Variants in MPRIP observed in about 807,000 individuals in gnomAD.
The protein encoded by MPRIP is myosin phosphatase Rho interacting protein, also known as myosin phosphatase Rho-interacting protein.
MPRIP carries 59 observed loss-of-function variants against 234.9 expected under a neutral mutation model. That is an observed-to-expected ratio of 0.25 (90% confidence interval 0.20 to 0.31). The LOEUF (loss-of-function observed/expected upper bound fraction) is 0.31, where lower values mean the gene tolerates loss of function less well. MPRIP is among the 10% of genes least tolerant of loss of function. MPRIP has a pLI of 1.00. For synonymous variants in MPRIP, 1,144 were observed against 1,263.9 expected, an observed-to-expected ratio of 0.91 and a Z score of 2.01; for missense variants, 2,436 against 3,071.0, an observed-to-expected ratio of 0.79 and a Z score of 4.89.
intron 13 of MPRIP, among the ~76,000 whole-genome samples, chr17:17,157,030 G>T (rs906944773): frequency 8.5e-5 from 13 of 152,148 alleles, no homozygotes; most frequent in Non-Finnish European, 1.5e-4. Context: ...CTGTCCTCAG[G>T]TGGGCTTGCA....
At chr17:17,092,434 G>A (rs1219033302) in intron 3 of MPRIP, among the ~76,000 whole-genome samples, 1 of 152,138 alleles carries the variant, frequency 6.6e-6, no homozygotes, top group Non-Finnish European at 1.5e-5. Context: ...CTGCGTCCTC[G>A]AGGGTCAGGT....
At chr17:17,149,208 T>C (rs2045543308) in intron 11 of MPRIP, among the ~76,000 whole-genome samples, 1 of 152,150 alleles carries the variant, frequency 6.6e-6, no homozygotes, top group Admixed American at 6.5e-5. Context: ...ATACTTCCTT[T>C]GTTGTCCGGG....
intron 1 of MPRIP, among the ~76,000 whole-genome samples, chr17:17,047,895 G>C (rs1232120921): frequency 1.3e-5 from 2 of 152,140 alleles, no homozygotes; most frequent in African/African-American, 4.8e-5. Context: ...AGAGTGAAAG[G>C]AGAGGAACCA....
chr17:17,093,022 A>G (rs765621698), intron 3 of MPRIP, among the ~76,000 whole-genome samples: 5 of 152,232 alleles, frequency 3.3e-5, no homozygotes, highest in Non-Finnish European at 7.3e-5. Flanking sequence ...GGGGAGGGGT[A>G]AGAGGGCTGT....
chr17:17,075,432 A>G (rs1330196380), intron 1 of MPRIP, among the ~76,000 whole-genome samples: 1 of 152,104 alleles, frequency 6.6e-6, no homozygotes, highest in Non-Finnish European at 1.5e-5. Context: ...TGGCTTGATC[A>G]GTAACTTGCA....
intron 5 of MPRIP, among the ~76,000 whole-genome samples, chr17:17,135,616 A>G (rs2090680247): frequency 1.3e-5 from 2 of 152,182 alleles, no homozygotes; most frequent in South Asian, 2.1e-4. Context: ...TGGTCCTCAC[A>G]TGTTAGAAGG....
chr17:17,170,259 A>C (rs1027136421), intron 16 of MPRIP: 1 of 151,930 alleles, frequency 6.6e-6, no homozygotes, highest in African/African-American at 2.4e-5. Context: ...GCCACATACA[A>C]ACAGAAGCGA....
intron 19 of MPRIP, among the ~76,000 whole-genome samples, chr17:17,174,279 C>T (rs964272834): frequency 2.0e-5 from 3 of 152,248 alleles, no homozygotes; most frequent in Admixed American, 1.3e-4. Context: ...GAAACATCAC[C>T]GCGGATAGCT....
At chr17:17,058,665 G>A (rs780043022) in intron 1 of MPRIP, among the ~76,000 whole-genome samples, 42 of 152,332 alleles carry the variant, frequency 2.8e-4, no homozygotes, top group African/African-American at 4.1e-4. Context: ...CCGCATTGTT[G>A]AGAGAAAGGT....
At chr17:17,147,246 G>A (rs527690177) in intron 10 of MPRIP, 73 bp from the exon 11 acceptor site, 14 of 1,446,656 alleles carry the variant, frequency 9.7e-6, no homozygotes, top group East Asian at 9.1e-5. Context: ...CTCTGGCTGC[G>A]CACCGCCGTG....
chr17:17,104,737 C>T (rs1044388289), intron 3 of MPRIP, among the ~76,000 whole-genome samples: 9 of 152,210 alleles, frequency 5.9e-5, no homozygotes, highest in Non-Finnish European at 1.3e-4. Context: ...TAGCTTGCTG[C>T]AGGGAGCCGC....
At chr17:17,109,932 T>C (rs937882877) in intron 3 of MPRIP, among the ~76,000 whole-genome samples, 1 of 152,130 alleles carries the variant, frequency 6.6e-6, no homozygotes, top group Non-Finnish European at 1.5e-5. Context: ...AAATAAATAC[T>C]GTAATGTTGG....
intron 5 of MPRIP, among the ~76,000 whole-genome samples, chr17:17,133,257 G>A (rs745669773): frequency 1.6e-4 from 24 of 152,190 alleles, no homozygotes; most frequent in Non-Finnish European, 3.2e-4. Context: ...ACAACCTTGC[G>A]GGGTCTCTCC....
Position 17,191,022 on chromosome 17 carries a change from C to T in MPRIP, c.*6128C>T, listed in dbSNP as rs1035097625. On this transcript the variant is annotated 3_prime_UTR_variant, in exon 24 of 24. Transcript: ENST00000651222. Reference sequence around the variant, plus strand: ...ATGGGGAGAACAGGGTTGACTGCACCGTTGAAGCCCGCCCAGCATTATAAG... The same window carrying T: ...ATGGGGAGAACAGGGTTGACTGCACTGTTGAAGCCCGCCCAGCATTATAAG... 1.3e-5 allele frequency: 2 copies of T among 152,122 alleles called. No individual in the cohort carries two copies. The highest frequency in any genetic ancestry group is 6.5e-5 in the Admixed American group (1 of 15,268). The allele number at this position is 152,122 out of a possible 1,614,324, so 9.4% of individuals were successfully genotyped here. A position where few individuals can be genotyped will look rare whatever the true frequency, so the allele number is the denominator to read the frequency against.
chr17:17,122,498 C>T lies in MPRIP; in HGVS notation c.268-4204C>T, dbSNP rs574576325. Among the ~76,000 whole-genome samples the T allele has an allele frequency of 2.6e-5, 4 of 152,206 alleles. No individual in the cohort carries two copies. The East Asian group carries it at 5.8e-4, about 22-fold the overall frequency. On this transcript the variant is annotated intron_variant, in intron 3 of 23. Transcript: ENST00000651222. ...CCTCCCGAGTAGCTGGGACTATAGA[C>T]GACTGCCACCACGCCCAGCTAATTT... is the stretch of plus-strand genomic sequence containing the variant.
In MPRIP at chr17:17,158,471, T is replaced by C. The variant is rs763777971; in HGVS notation, c.1869T>C (p.Phe623=). 6.3e-7 allele frequency: 1 copy of C among 1,597,462 alleles called. No individual in the cohort carries two copies. Among genetic ancestry groups the C allele is most frequent in the Admixed American group, 1.8e-5 (1 of 56,698 alleles). The change falls in exon 14 of 24, where the codon TTT becomes TTC. Residue 623 remains phenylalanine (F), a synonymous_variant. Transcript: ENST00000651222. The part of the protein sequence containing the change: ...PEEKNKSSCS[F]ETCPRPTEKQ... Reference sequence around the variant, plus strand: ...AAAAAAACAAGAGCAGCTGCTCTTTTGAGACCTGCCCGAGGCCTACTGAGA... The same window carrying C: ...AAAAAAACAAGAGCAGCTGCTCTTTCGAGACCTGCCCGAGGCCTACTGAGA...
Position 17,138,411 on chromosome 17 carries a change from T to C in MPRIP, c.1232T>C (p.Leu411Pro). The C allele has an allele frequency of 3.7e-6, 1 of 272,326 alleles. No individual in the cohort carries two copies. The highest frequency in any genetic ancestry group is 6.9e-6 in the Non-Finnish European group (1 of 145,270). 16.9% of individuals were successfully genotyped at this position (272,326 alleles called of 1,614,324 possible). ...CCTGGCAGGGAGGAGGTGGCCCGTC[T>C]GTTTGGCAACGAGCGGAGGTAAGGA... ...RSPGREEVAR[L>P]FGNERRRSQV... Residue 411 changes from leucine to proline, a missense_variant, in exon 7 of 24, where the codon CTG (leucine) becomes CCG (proline). By Grantham distance (98) the Leu-to-Pro change is moderately conservative. This residue lies in a region of MPRIP where 267 missense variants were observed against 252.7 expected (regional missense o/e 1.06). Transcript: ENST00000651222. The surrounding 1 kb of genome is among the most constrained non-coding windows in gnomAD (Gnocchi z 5.8).
Position 17,078,867 on chromosome 17 carries a change from C to T in MPRIP, c.267+791C>T, listed in dbSNP as rs1297176910. 6.6e-6 allele frequency among the ~76,000 whole-genome samples: 1 copy of T among 152,190 alleles called. No homozygotes were observed. The highest frequency in any genetic ancestry group is 1.5e-5 in the Non-Finnish European group (1 of 68,034). On this transcript the variant is annotated intron_variant, in intron 3 of 23. Coordinates refer to ENST00000651222, the MANE Select transcript of MPRIP (RefSeq NM_001364716.4). The surrounding 1 kb of genome is among the most constrained non-coding windows in gnomAD (Gnocchi z 4.3). ...GATTTGATCGCCTTTTCCAGTTCCA[C>T]TTGGTGGGTGAATGTTTGTGTGCCC...
At chr17:17,101,511 A>G (rs1444243047) in intron 3 of MPRIP, among the ~76,000 whole-genome samples, 2 of 152,230 alleles carry the variant, frequency 1.3e-5, no homozygotes, top group Non-Finnish European at 1.5e-5. Flanking sequence ...CAGAGGTTGC[A>G]GTGAGCTGAG....
Sources: gnomAD v4.1 joint callset for allele counts (sites outside exome capture counted in the v4.1 genomes callset) on GRCh38, gnomAD v4.1.1 for gene constraint, gnomAD v4.1.1 regional missense constraint, Gnocchi (gnomAD v3.1) non-coding constraint, MANE v1.5 for transcripts, NCBI Gene and HGNC (gene_info 2026-07-23, HGNC 2026-07-21) for gene names.